ASCC3: variants seen among roughly 807,000 people sequenced by gnomAD.
The protein encoded by ASCC3 is ASC-1 complex subunit P200.
In ASCC3, 158 loss-of-function variants were observed where a neutral mutation model predicts 256.3. That is an observed-to-expected ratio of 0.62 (90% CI 0.54 to 0.70). The LOEUF is 0.70. Ranked by LOEUF, ASCC3 falls within the 30% of genes least tolerant of loss-of-function variation. The pLI is 0.00. For synonymous variants in ASCC3, 948 were observed against 883.4 expected (o/e 1.07, Z -1.30); for missense variants, 2,259 against 2,626.0 (o/e 0.86, Z 3.05).
intron 30 of ASCC3, among the ~76,000 whole-genome samples, chr6:100,622,308 T>TC (rs1269820067): frequency 6.6e-6 from 1 of 152,092 alleles, no homozygotes; most frequent in Non-Finnish European, 1.5e-5. Context: ...GGGGGCCGTT[T>TC]CCCCGATGCT....
chr6:100,761,156 C>A (rs1781400742), intron 10 of ASCC3, among the ~76,000 whole-genome samples: 1 of 152,028 alleles, frequency 6.6e-6, no homozygotes, highest in African/African-American at 2.4e-5. Flanking sequence ...TCTTCAGAAA[C>A]CACAGAGGTC....
intron 10 of ASCC3, among the ~76,000 whole-genome samples, chr6:100,726,943 T>C (rs1381980372): frequency 6.6e-6 from 1 of 152,050 alleles, no homozygotes. Flanking sequence ...GAAAATGGCA[T>C]AGTTGAGATG....
intron 8 of ASCC3, among the ~76,000 whole-genome samples, chr6:100,789,354 C>G (rs1394351248): frequency 6.6e-6 from 1 of 151,908 alleles, no homozygotes; most frequent in African/African-American, 2.4e-5. Context: ...AAGGATGGAG[C>G]TCAAAGGATG....
intron 36 of ASCC3, among the ~76,000 whole-genome samples, chr6:100,572,258 TCAC>T (rs1478941935): frequency 6.6e-6 from 1 of 152,234 alleles, no homozygotes; most frequent in African/African-American, 2.4e-5. Context: ...GAGAAATTTC[TCAC>T]CACTTCTGCC....
intron 4 of ASCC3, among the ~76,000 whole-genome samples, chr6:100,843,572 G>A (rs866393247): frequency 2.0e-5 from 3 of 152,084 alleles, no homozygotes; most frequent in South Asian, 4.1e-4. Flanking sequence ...ACTGAGATAT[G>A]TATACTTCAA....
intron 4 of ASCC3, among the ~76,000 whole-genome samples, chr6:100,836,514 C>T (rs1771884286): frequency 6.6e-6 from 1 of 151,916 alleles, no homozygotes; most frequent in Non-Finnish European, 1.5e-5. Context: ...AGTTTTTGTC[C>T]TTCATTCTAT....
chr6:100,521,462 G>A (rs1458991409), intron 37 of ASCC3, among the ~76,000 whole-genome samples: 3 of 152,172 alleles, frequency 2.0e-5, no homozygotes, highest in African/African-American at 7.2e-5. Context: ...TCAAACTGCA[G>A]AAGTTATGCT....
At chr6:100,858,564 A>T (rs1773071419) in intron 3 of ASCC3, 2 of 983,014 alleles carry the variant, frequency 2.0e-6, no homozygotes, top group Non-Finnish European at 2.4e-6. Context: ...CTACTGAATC[A>T]TGTAATTTTT....
chr6:100,715,390 T>C, intron 13 of ASCC3, 72 bp downstream of exon 13: 6 of 1,346,192 alleles, frequency 4.5e-6, no homozygotes, highest in Non-Finnish European at 6.3e-6. Flanking sequence ...AGCGTAAATA[T>C]TAATAATTTT....
intron 4 of ASCC3, among the ~76,000 whole-genome samples, chr6:100,828,660 G>T (rs937340665): frequency 2.0e-5 from 3 of 152,070 alleles, no homozygotes; most frequent in Non-Finnish European, 4.4e-5. Context: ...CTCTTAAGGC[G>T]GTGCATCTGG....
intron 36 of ASCC3, among the ~76,000 whole-genome samples, chr6:100,589,356 A>G (rs992639356): frequency 6.6e-6 from 1 of 152,114 alleles, no homozygotes; most frequent in South Asian, 2.1e-4. Flanking sequence ...TAGGGTGATG[A>G]CTTGCCTTGC....
intron 8 of ASCC3, among the ~76,000 whole-genome samples, chr6:100,786,513 C>T (rs1435027856): frequency 1.3e-5 from 2 of 151,966 alleles, no homozygotes; most frequent in East Asian, 1.9e-4. Context: ...TGGACTTGAC[C>T]GTATAAGTGC....
At chr6:100,632,228 C>T (rs1442323439) in intron 25 of ASCC3, among the ~76,000 whole-genome samples, 2 of 141,076 alleles carry the variant, frequency 1.4e-5, no homozygotes, top group African/African-American at 5.2e-5. Flanking sequence ...TACAATAGCA[C>T]CAGAAAGAAT....
intron 34 of ASCC3, among the ~76,000 whole-genome samples, chr6:100,597,907 G>C (rs192216573): frequency 0.012 from 1,799 of 149,888 alleles, 42 homozygotes; most frequent in African/African-American, 0.042. Flanking sequence ...TCAGGAGGTG[G>C]AGCTTGCAGT....
chr6:100,862,687 A>C (rs1773284264), intron 3 of ASCC3, among the ~76,000 whole-genome samples: 1 of 152,210 alleles, frequency 6.6e-6, no homozygotes, highest in Non-Finnish European at 1.5e-5. Flanking sequence ...CTGGCGATGG[A>C]GAGTTTAACA....
At chr6:100,536,639 A>T (rs1474205447) in intron 37 of ASCC3, among the ~76,000 whole-genome samples, 1 of 151,870 alleles carries the variant, frequency 6.6e-6, no homozygotes, top group East Asian at 1.9e-4. Flanking sequence ...GATAATTTTT[A>T]ATTTTTTCGT....
At chr6:100,750,501 T>C (rs1780889358) in intron 10 of ASCC3, among the ~76,000 whole-genome samples, 1 of 151,696 alleles carries the variant, frequency 6.6e-6, no homozygotes, top group African/African-American at 2.4e-5. Flanking sequence ...GGAACTGTCA[T>C]GGAATTTCTA....
intron 8 of ASCC3, among the ~76,000 whole-genome samples, chr6:100,777,871 T>G (rs1460278843): frequency 6.6e-6 from 1 of 152,078 alleles, no homozygotes; most frequent in Non-Finnish European, 1.5e-5. Context: ...CTCTGCAGGA[T>G]TTTAAGTAGA....
At chr6:100,855,491 T>C (rs928138391) in intron 3 of ASCC3, among the ~76,000 whole-genome samples, 2 of 152,224 alleles carry the variant, frequency 1.3e-5, no homozygotes, top group Non-Finnish European at 2.9e-5. Flanking sequence ...AGCTGATACA[T>C]TTGCAAAGTA....
Sources: allele counts gnomAD v4.1 joint callset (sites outside exome capture counted in the v4.1 genomes callset), GRCh38; gene constraint gnomAD v4.1.1; transcripts MANE v1.5; gene names NCBI Gene and HGNC (gene_info 2026-07-23, HGNC 2026-07-21).